LRRFIP2: variants seen among roughly 807,000 people sequenced by gnomAD.
The protein encoded by LRRFIP2 is LRR binding FLII interacting protein 2, also known as leucine-rich repeat flightless-interacting protein 2.
Under a neutral mutation model 125.9 loss-of-function variants are expected in LRRFIP2, and 109 were observed. That is an observed-to-expected ratio of 0.87 (90% CI 0.74 to 1.01). LRRFIP2 has a LOEUF of 1.01. LRRFIP2 is among the 50% of genes least tolerant of loss of function. The probability of loss-of-function intolerance (pLI) is 0.00; values close to 1 mark genes in which losing one functional copy is unlikely to be tolerated. For synonymous variants in LRRFIP2, 291 were observed against 293.1 expected, an observed-to-expected ratio of 0.99 and a Z score of 0.07; for missense variants, 850 against 862.3, an observed-to-expected ratio of 0.99 and a Z score of 0.18.
intron 22 of LRRFIP2, 47 bp downstream of exon 22, chr3:37,066,177 A>G (rs2090105278): frequency 2.0e-6 from 3 of 1,488,748 alleles, no homozygotes; most frequent in African/African-American, 1.4e-5. Context: ...AGGAAGATAG[A>G]GAGTAAAACA....
rs185269207 is a variant in LRRFIP2 at position 37,062,193 on chromosome 3, T to C, written c.1749+1549A>G. On this transcript the variant is annotated intron_variant, in intron 24 of 27. Transcript: ENST00000336686. ...TAGCCAGAGAAACACATATAATAAA[T>C]GCATTCACACAAACCTTCTAACATA... Among the ~76,000 whole-genome samples, 37 of 152,310 alleles carry C rather than the reference T, an allele frequency of 2.4e-4. No homozygotes were observed. The East Asian group carries it at 5.6e-3, about 23-fold the overall frequency.
Position 37,066,312 on chromosome 3 carries a change from T to A in LRRFIP2, c.1478A>T (p.Gln493Leu). 1 of 1,614,094 alleles carries A rather than the reference T, an allele frequency of 6.2e-7. No homozygotes were observed. The highest frequency in any genetic ancestry group is 8.5e-7 in the Non-Finnish European group (1 of 1,179,940). The change falls in exon 22 of 28, where the codon CAG becomes CTG. Residue 493 changes from glutamine to leucine, a missense_variant. Physicochemically the swap from Gln to Leu is moderately radical, Grantham distance 113. Coordinates refer to ENST00000336686, the MANE Select transcript of LRRFIP2 (RefSeq NM_006309.4). ...KDKKIGALEKQKEYIACLRNE... is the reference protein window; with the variant it reads ...KDKKIGALEKLKEYIACLRNE... ...CCTAAGGCAGGCAATGTATTCTTTC[T>A]GTTTCTCTAGGGCCTGGTTTTAGGT...
chr3:37,066,858 C>T (rs1559684719), intron 21 of LRRFIP2: 1 of 153,144 alleles, frequency 6.5e-6, no homozygotes, highest in Non-Finnish European at 1.5e-5. Context: ...TGGCAAAATA[C>T]TCAAATACCA....
intron 8 of LRRFIP2, among the ~76,000 whole-genome samples, chr3:37,112,560 T>C (rs1304387314): frequency 6.6e-6 from 1 of 152,120 alleles, no homozygotes; most frequent in Non-Finnish European, 1.5e-5. Context: ...TGAAACCTAT[T>C]TGTGAGTTTA....
chr3:37,106,904 C>CTA (rs1553744783), intron 13 of LRRFIP2, among the ~76,000 whole-genome samples: 1 of 93,576 alleles, frequency 1.1e-5, no homozygotes, highest in Non-Finnish European at 2.0e-5. Flanking sequence ...AGGGAAATGA[C>CTA]TATTTTTTTT....
chr3:37,084,566 C>T (rs2092901676), intron 18 of LRRFIP2, among the ~76,000 whole-genome samples: 1 of 151,994 alleles, frequency 6.6e-6, no homozygotes, highest in Admixed American at 6.6e-5. Flanking sequence ...ACTTGGGATG[C>T]TAGGTGGGAG....
chr3:37,129,236 C>T (rs1387640973), intron 2 of LRRFIP2, 87 bp from the exon 3 acceptor site: 3 of 1,142,034 alleles, frequency 2.6e-6, no homozygotes, highest in Middle Eastern at 1.9e-4. Flanking sequence ...TGGGACATTA[C>T]CACGCAAAAG....
intron 21 of LRRFIP2, among the ~76,000 whole-genome samples, chr3:37,070,017 G>A (rs933602607): frequency 6.6e-6 from 1 of 152,072 alleles, no homozygotes; most frequent in Non-Finnish European, 1.5e-5. Flanking sequence ...CATATCAAGG[G>A]CAATATCCTG....
At position 37,121,748 on chromosome 3, in the gene LRRFIP2, G is replaced by T. The variant is rs1428444519; in HGVS notation, c.229-57C>A. 2.6e-6 allele frequency: 4 copies of T among 1,521,690 alleles called. No homozygotes were observed. In the Admixed American group the frequency reaches 6.7e-5, roughly 25 times the overall value. The allele number at this position is 1,521,690 out of a possible 1,614,324, so 94.3% of individuals were successfully genotyped here. The stretch of plus-strand genomic sequence containing the variant: ...TCACTGAATAGACAGTTGTTTATCA[G>T]AACAACTGAGCAAAGAGCAGTCAGT... On this transcript the variant is annotated intron_variant, in intron 4 of 27. Transcript: ENST00000336686.
At chr3:37,055,242 G>T in intron 25 of LRRFIP2, 77 bp from the exon 26 acceptor site, 2 of 806,030 alleles carry the variant, frequency 2.5e-6, no homozygotes, top group Non-Finnish European at 2.0e-6. Flanking sequence ...TACCTCTGTG[G>T]CACAGAGAGG....
intron 16 of LRRFIP2, among the ~76,000 whole-genome samples, chr3:37,095,228 C>T (rs1336552948): frequency 2.0e-5 from 3 of 152,190 alleles, no homozygotes. Context: ...CTTAAGTGAG[C>T]ACATCAGATT....
At chr3:37,148,859 C>G (rs924896337) in intron 2 of LRRFIP2, 35 bp downstream of exon 2, 2 of 1,612,316 alleles carry the variant, frequency 1.2e-6, no homozygotes, top group Non-Finnish European at 1.7e-6. Context: ...TACATCTGTG[C>G]AACTCAGTGT....
At chr3:37,091,642 T>G in intron 17 of LRRFIP2, 104 bp from the exon 18 acceptor site, 1 of 759,016 alleles carries the variant, frequency 1.3e-6, no homozygotes, top group Non-Finnish European at 2.1e-6. Flanking sequence ...TATTCCAGAC[T>G]AAAAGCAGAG....
chr3:37,132,394 C>G (rs761147208), intron 2 of LRRFIP2, among the ~76,000 whole-genome samples: 2 of 152,112 alleles, frequency 1.3e-5, no homozygotes, highest in Admixed American at 6.5e-5. Context: ...AATGAGACTT[C>G]CTTCATAAAA....
chr3:37,108,224 G>A lies in LRRFIP2; in HGVS notation c.658-95C>T. 10 of 947,322 alleles carry A rather than the reference G, an allele frequency of 1.1e-5. No individual in the cohort carries two copies. The South Asian group carries it at 1.3e-4, about 12-fold the overall frequency. 58.7% of individuals were successfully genotyped at this position (947,322 alleles called of 1,614,324 possible). A position where few individuals can be genotyped will look rare whatever the true frequency, so the allele number is the denominator to read the frequency against. ...GGACCATTTACCTAACTTGCCCCTG[G>A]TTCTCAAGATAAAGGTAACTGTTAT... On this transcript the variant is annotated intron_variant, in intron 12 of 27. Transcript: ENST00000336686.
At chr3:37,135,141 T>G in intron 2 of LRRFIP2, 1 of 1,189,602 alleles carries the variant, frequency 8.4e-7, no homozygotes, top group Non-Finnish European at 1.2e-6. Flanking sequence ...GCATTATAGC[T>G]GGAATAAACT....
chr3:37,110,898 GA>G, intron 9 of LRRFIP2, 92 bp downstream of exon 9: 2 of 1,096,590 alleles, frequency 1.8e-6, no homozygotes, highest in Non-Finnish European at 2.7e-6. Context: ...GCCATTTACA[GA>G]TTAGTTACAG....
In LRRFIP2 at chr3:37,060,747, AACTACTT is replaced by A. The variant is rs1282576216; in HGVS notation, c.1750-1844_1750-1838del. Among the ~76,000 whole-genome samples, 1 of 152,126 alleles carries A rather than the reference AACTACTT, an allele frequency of 6.6e-6. No homozygotes were observed. Among genetic ancestry groups the A allele is most frequent in the Non-Finnish European group, 1.5e-5 (1 of 68,018 alleles). ...CTCGTCTCTTCAAATTATATACACT[AACTACTT>A]ATCATTGCCAAAATCCCATTCCTTC... is the stretch of plus-strand genomic sequence containing the variant. On this transcript the variant is annotated intron_variant, in intron 24 of 27. Transcript: ENST00000336686. The surrounding 1 kb of genome is among the most constrained non-coding windows in gnomAD (Gnocchi z 4.1).
chr3:37,054,532 A>G lies in LRRFIP2; in HGVS notation c.1951-17T>C. 2 of 1,576,522 alleles carry G rather than the reference A, an allele frequency of 1.3e-6. No homozygotes were observed. Among genetic ancestry groups the G allele is most frequent in the Non-Finnish European group, 1.7e-6 (2 of 1,147,212 alleles). On this transcript the variant is annotated splice_polypyrimidine_tract_variant and intron_variant, in intron 26 of 27. Transcript: ENST00000336686. Reference sequence around the variant, plus strand: ...CCGGCTAATCTGTAAGTATGAGAACATAGGCCTCTAGTACTGGGCACTAGA... The same window carrying G: ...CCGGCTAATCTGTAAGTATGAGAACGTAGGCCTCTAGTACTGGGCACTAGA...
Sources: gnomAD v4.1 joint callset for allele counts (sites outside exome capture counted in the v4.1 genomes callset) on GRCh38, gnomAD v4.1.1 for gene constraint, Gnocchi (gnomAD v3.1) non-coding constraint, MANE v1.5 for transcripts, NCBI Gene and HGNC (gene_info 2026-07-23, HGNC 2026-07-21) for gene names.